The following PID1 variants were observed in gnomAD, a reference collection of about 807,000 sequenced individuals.
PID1 encodes phosphotyrosine interaction domain containing 1.
Under a neutral mutation model 19.1 loss-of-function variants are expected in PID1, and 10 were observed. That is an observed-to-expected ratio of 0.52 (90% confidence interval 0.32 to 0.89). The LOEUF (loss-of-function observed/expected upper bound fraction) is 0.89. Ranked by LOEUF, PID1 falls within the 40% of genes least tolerant of loss-of-function variation. PID1 has a pLI of 0.03. For synonymous variants in PID1, 130 were observed against 116.0 expected, an observed-to-expected ratio of 1.12 and a Z score of -0.78; for missense variants, 248 against 285.3, an observed-to-expected ratio of 0.87 and a Z score of 0.94.
intron 2 of PID1, among the ~76,000 whole-genome samples, chr2:229,085,383 C>G (rs2191838): frequency 0.02 from 2,985 of 152,262 alleles, 243 homozygotes; most frequent in Admixed American, 0.14. Context: ...GAACATGACT[C>G]TTTCAAGTCA....
chr2:229,134,027 AGC>A (rs1325162148), intron 2 of PID1, among the ~76,000 whole-genome samples: 1 of 152,004 alleles, frequency 6.6e-6, no homozygotes, highest in African/African-American at 2.4e-5. Context: ...GTCCACTAGA[AGC>A]TAGTATCACT....
At chr2:229,269,643 C>T (rs552522913) in intron 1 of PID1, among the ~76,000 whole-genome samples, 6 of 152,206 alleles carry the variant, frequency 3.9e-5, no homozygotes, top group Admixed American at 2.0e-4. Flanking sequence ...ACTTCAAATG[C>T]GCCACTGGTA....
intron 1 of PID1, among the ~76,000 whole-genome samples, chr2:229,254,384 G>T (rs1467243958): frequency 1.3e-5 from 2 of 152,114 alleles, no homozygotes; most frequent in Non-Finnish European, 2.9e-5. Flanking sequence ...GACAACTTTG[G>T]CAAAAACTAC....
chr2:229,027,022 GA>G, intron 2 of PID1, among the ~76,000 whole-genome samples: 1 of 152,246 alleles, frequency 6.6e-6, no homozygotes, highest in South Asian at 2.1e-4. Flanking sequence ...GAAATAATAT[GA>G]AATAGTATAT....
chr2:229,243,608 A>T (rs1689929924), intron 1 of PID1, among the ~76,000 whole-genome samples: 2 of 152,132 alleles, frequency 1.3e-5, no homozygotes, highest in African/African-American at 4.8e-5. Flanking sequence ...CTTTAAAAAA[A>T]TTTTCTGTAG....
Position 229,117,733 on chromosome 2 carries a change from C to G in PID1, c.177+38085G>C, listed in dbSNP as rs1478311163. On this transcript the variant is annotated intron_variant, in intron 2 of 2. Transcript: ENST00000392055. ...TTTCTCAAACATGACAAGATCCTTGCTGCCTCAAGATTTTTGCTCAAACTC... is the reference window on the plus strand; with the variant it reads ...TTTCTCAAACATGACAAGATCCTTGGTGCCTCAAGATTTTTGCTCAAACTC... 2.0e-5 allele frequency among the ~76,000 whole-genome samples: 3 copies of G among 152,074 alleles called. 1 individual carries two copies.
At chr2:229,234,713 A>G (rs1253446572) in intron 1 of PID1, among the ~76,000 whole-genome samples, 2 of 152,210 alleles carry the variant, frequency 1.3e-5, no homozygotes, top group Admixed American at 1.3e-4. Flanking sequence ...CCATTTGCCT[A>G]CTAGAAATAT....
Position 229,118,877 on chromosome 2 carries a change from A to G in PID1, c.177+36941T>C, listed in dbSNP as rs184349389. Among the ~76,000 whole-genome samples, 15 of 152,344 alleles carry G rather than the reference A, an allele frequency of 9.8e-5. No homozygotes were observed. The East Asian group carries it at 2.3e-3, about 24-fold the overall frequency. ...ACAAAAAACTAAGATCTTGACCAGTATAACTACGAAAAGAAATCGATCTCT... is the reference window on the plus strand; with the variant it reads ...ACAAAAAACTAAGATCTTGACCAGTGTAACTACGAAAAGAAATCGATCTCT... On this transcript the variant is annotated intron_variant, in intron 2 of 2. Transcript: ENST00000392055.
At chr2:229,211,879 T>C (rs990447238) in intron 1 of PID1, among the ~76,000 whole-genome samples, 3 of 152,250 alleles carry the variant, frequency 2.0e-5, no homozygotes, top group African/African-American at 7.2e-5. Flanking sequence ...AATCAGAATT[T>C]TAAGAAAATT....
intron 2 of PID1, among the ~76,000 whole-genome samples, chr2:229,090,538 G>A (rs1694852129): frequency 6.6e-6 from 1 of 152,170 alleles, no homozygotes; most frequent in African/African-American, 2.4e-5. Flanking sequence ...CCGATGCCCA[G>A]ATCAGAGTTT....
chr2:229,114,687 C>T (rs1230778714), intron 2 of PID1, among the ~76,000 whole-genome samples: 2 of 152,208 alleles, frequency 1.3e-5, no homozygotes, highest in Non-Finnish European at 2.9e-5. Context: ...TCCTCTCCCA[C>T]AACATTCTAC....
At chr2:229,103,571 ATTTT>A (rs60510809) in intron 2 of PID1, among the ~76,000 whole-genome samples, 2 of 76,230 alleles carry the variant, frequency 2.6e-5, no homozygotes, top group South Asian at 5.1e-4. Flanking sequence ...ATATGCTGGA[ATTTT>A]TTTTTTTTTT....
At chr2:229,177,181 C>G (rs1389458666) in intron 1 of PID1, among the ~76,000 whole-genome samples, 2 of 152,106 alleles carry the variant, frequency 1.3e-5, no homozygotes, top group Non-Finnish European at 2.9e-5. Context: ...TACCTCCTAC[C>G]AAGCCCCTCT....
chr2:229,025,180 T>C lies in PID1; in HGVS notation c.*452A>G, dbSNP rs1693384191. 1 of 163,274 alleles carries C rather than the reference T, an allele frequency of 6.1e-6. No individual in the cohort carries two copies. Among genetic ancestry groups the C allele is most frequent in the Non-Finnish European group, 1.3e-5 (1 of 74,084 alleles). The allele number at this position is 163,274 out of a possible 1,614,324, so 10.1% of individuals were successfully genotyped here. A position where few individuals can be genotyped will look rare whatever the true frequency, so the allele number is the denominator to read the frequency against. On this transcript the variant is annotated 3_prime_UTR_variant, in exon 3 of 3. Coordinates refer to ENST00000392055, the MANE Select transcript of PID1 (RefSeq NM_001100818.2). The stretch of plus-strand genomic sequence containing the variant: ...ACAGAGGGCCCTCCCGAGATGTTCC[T>C]TCCTCCCTGCGGCCAGCGTCCCCAT...
chr2:229,190,976 G>A (rs1302509136), intron 1 of PID1, among the ~76,000 whole-genome samples: 2 of 152,126 alleles, frequency 1.3e-5, no homozygotes, highest in Non-Finnish European at 2.9e-5. Context: ...TTATAATGAA[G>A]CACATTAACA....
chr2:229,169,983 T>C (rs1690677503), intron 1 of PID1, among the ~76,000 whole-genome samples: 1 of 152,164 alleles, frequency 6.6e-6, no homozygotes, highest in South Asian at 2.1e-4. Context: ...ATCTGGTGAC[T>C]GGCTCAGTTC....
At chr2:229,052,731 G>A (rs1387613090) in intron 2 of PID1, among the ~76,000 whole-genome samples, 2 of 151,956 alleles carry the variant, frequency 1.3e-5, no homozygotes, top group African/African-American at 4.8e-5. Flanking sequence ...AAAATGGCCT[G>A]AAAACTACTG....
At chr2:229,199,769 T>C (rs971663184) in intron 1 of PID1, among the ~76,000 whole-genome samples, 114 of 134,874 alleles carry the variant, frequency 8.5e-4, no homozygotes, top group African/African-American at 2.7e-3. Flanking sequence ...CACACACACA[T>C]ATATATATAC....
intron 1 of PID1, 104 bp from the exon 2 acceptor site, chr2:229,156,068 C>G (rs1281127126): frequency 3.0e-6 from 3 of 1,002,772 alleles, no homozygotes; most frequent in Admixed American, 2.3e-5. Flanking sequence ...TGACTCTGTT[C>G]TATTAGGGGA....
Sources: allele counts gnomAD v4.1 joint callset (sites outside exome capture counted in the v4.1 genomes callset), GRCh38; gene constraint gnomAD v4.1.1; transcripts MANE v1.5; gene names NCBI Gene and HGNC (gene_info 2026-07-23, HGNC 2026-07-21).